Variants in CMTR1 observed in about 807,000 individuals in gnomAD.
The protein encoded by CMTR1 is cap-specific mRNA (nucleoside-2'-O-)-methyltransferase 1.
CMTR1 carries 39 observed loss-of-function variants against 107.0 expected under a neutral mutation model. That is an observed-to-expected ratio of 0.36 (90% CI 0.28 to 0.48). The LOEUF is 0.48. Ranked by LOEUF, CMTR1 falls within the 20% of genes least tolerant of loss-of-function variation. The pLI, the probability that CMTR1 is intolerant of heterozygous loss-of-function variation, is 0.99. For missense variants in CMTR1, 672 were observed against 1,064.9 expected (o/e 0.63, Z 5.14); for synonymous variants, 366 against 379.5 (o/e 0.96, Z 0.41).
intron 13 of CMTR1, among the ~76,000 whole-genome samples, chr6:37,466,126 T>C (rs1581746670): frequency 6.8e-6 from 1 of 146,554 alleles, no homozygotes; most frequent in Non-Finnish European, 1.5e-5. Context: ...TTTTTTTTTT[T>C]TTTTTGAAAC....
chr6:37,439,778 T>C (rs1771626156), intron 2 of CMTR1, among the ~76,000 whole-genome samples: 1 of 152,252 alleles, frequency 6.6e-6, no homozygotes, highest in Non-Finnish European at 1.5e-5. Flanking sequence ...TGCCCCTCTT[T>C]GTTGTCACTG....
upstream of CMTR1, among the ~76,000 whole-genome samples, chr6:37,430,179 A>G (rs1227627247): frequency 6.6e-6 from 1 of 152,158 alleles, no homozygotes; most frequent in Non-Finnish European, 1.5e-5. Flanking sequence ...TCTTGATTTG[A>G]CAGTTCTTTG....
chr6:37,459,486 C>T (rs1051211126), intron 9 of CMTR1, 80 bp from the exon 10 acceptor site: 1 of 1,211,182 alleles, frequency 8.3e-7, no homozygotes, highest in Non-Finnish European at 1.2e-6. Flanking sequence ...TGCCCGTCTT[C>T]ACTGACCCAG....
chr6:37,465,040 G>A (rs1001316154), intron 13 of CMTR1, among the ~76,000 whole-genome samples: 1 of 150,758 alleles, frequency 6.6e-6, no homozygotes, highest in Non-Finnish European at 1.5e-5. Context: ...AGGCCAAGGC[G>A]GGTGGATCAC....
intron 17 of CMTR1, 41 bp downstream of exon 17, chr6:37,473,642 G>A: frequency 6.3e-7 from 1 of 1,599,496 alleles, no homozygotes; most frequent in Non-Finnish European, 8.5e-7. Context: ...TGGAATGGTG[G>A]ATTTGCCCTT....
At chr6:37,441,967 A>G (rs2113865603) in intron 2 of CMTR1, among the ~76,000 whole-genome samples, 1 of 152,348 alleles carries the variant, frequency 6.6e-6, no homozygotes, top group South Asian at 2.1e-4. Context: ...ATACAGGGAC[A>G]TTCTCAACCA....
intron 13 of CMTR1, among the ~76,000 whole-genome samples, chr6:37,469,517 T>C (rs1761579347): frequency 6.9e-6 from 1 of 145,208 alleles, no homozygotes; most frequent in South Asian, 2.1e-4. Context: ...TATGTTGTTT[T>C]ATCCTTTTTT....
chr6:37,467,136 C>G (rs1761527141), intron 13 of CMTR1, among the ~76,000 whole-genome samples: 1 of 152,180 alleles, frequency 6.6e-6, no homozygotes. Flanking sequence ...CACTGCCCTC[C>G]AGCCTGGGTG....
At position 37,474,606 on chromosome 6, in the gene CMTR1, C is replaced by G; in HGVS notation, c.1904C>G (p.Thr635Ser). The G allele has an allele frequency of 6.2e-7, 1 of 1,614,124 alleles. No homozygotes were observed. The highest frequency in any genetic ancestry group is 8.5e-7 in the Non-Finnish European group (1 of 1,179,998). ...LDLKTELPRD[T>S]LLSVEIVHEL... ...CTGAAGACAGAGCTGCCCCGGGACA[C>G]TCTGCTATCTGTGGAAATTGTGCAT... The change falls in exon 18 of 24, where the codon ACT (threonine) becomes AGT (serine). Residue 635 changes from threonine to serine, a missense_variant. By Grantham distance (58) the Thr-to-Ser change is moderately conservative. Coordinates refer to ENST00000373451, the MANE Select transcript of CMTR1 (RefSeq NM_015050.3).
Position 37,479,332 on chromosome 6 carries a change from G to A in CMTR1, c.2375+77G>A, listed in dbSNP as rs1045421888. ...GCAGGATGCCAGCCAGCTGTCTTGG[G>A]GGCACACCCTGGGTCCTGAGACTGT... On this transcript the variant is annotated intron_variant, in intron 23 of 23. Coordinates refer to ENST00000373451, the MANE Select transcript of CMTR1 (RefSeq NM_015050.3). 5.0e-5 allele frequency: 52 copies of A among 1,039,356 alleles called. 1 individual carries two copies. In the African/African-American group the frequency reaches 8.0e-4, roughly 16 times the overall value. 64.4% of individuals were successfully genotyped at this position (1,039,356 alleles called of 1,614,324 possible).
intron 20 of CMTR1, 102 bp downstream of exon 20, chr6:37,476,296 G>C: frequency 8.3e-7 from 1 of 1,206,496 alleles, no homozygotes. Flanking sequence ...CTAGGCAAGT[G>C]GGTGTTAGAG....
chr6:37,446,905 T>C (rs1387385113), intron 4 of CMTR1, among the ~76,000 whole-genome samples: 1 of 152,230 alleles, frequency 6.6e-6, no homozygotes, highest in African/African-American at 2.4e-5. Flanking sequence ...AGGTTCTAAA[T>C]AGGTGCTTTT....
Position 37,472,656 on chromosome 6 carries a change from G to A in CMTR1, c.1689+169G>A, listed in dbSNP as rs1761652387. ...CCACAGGTGGGAACCTTTGGTATAG[G>A]GTGTTGAATTCCCCAAGAGCACAGT... On this transcript the variant is annotated intron_variant, in intron 16 of 23. Coordinates refer to ENST00000373451, the MANE Select transcript of CMTR1 (RefSeq NM_015050.3). This position sits in a 1 kb window ranked among gnomAD's most constrained non-coding sequence, Gnocchi z 4.1. 6.6e-6 allele frequency among the ~76,000 whole-genome samples: 1 copy of A among 152,174 alleles called. No individual in the cohort carries two copies.
At chr6:37,478,562 C>T (rs773938194) in intron 22 of CMTR1, 41 bp downstream of exon 22, 1 of 1,518,032 alleles carries the variant, frequency 6.6e-7, no homozygotes, top group Admixed American at 1.7e-5. Context: ...CCTCCCCTCT[C>T]CCCTCTCCTC....
At position 37,473,576 on chromosome 6, in the gene CMTR1, A is replaced by G. The variant is rs893032782; in HGVS notation, c.1796A>G (p.Glu599Gly). The G allele has an allele frequency of 3.7e-6, 6 of 1,613,958 alleles. No homozygotes were observed. The highest frequency in any genetic ancestry group is 4.2e-6 in the Non-Finnish European group (5 of 1,180,002). Reference sequence around the variant, plus strand: ...TACCGCTGCATGGTATCTGGCAGTGAGCAGAAGTTCCTCATCGGCCTGGGG... The same window carrying G: ...TACCGCTGCATGGTATCTGGCAGTGGGCAGAAGTTCCTCATCGGCCTGGGG... ...FDYRCMVSGS[E>G]QKFLIGLGKS... The change falls in exon 17 of 24, where the codon GAG becomes GGG. Residue 599 changes from glutamate (E) to glycine (G), a missense_variant. Coordinates refer to ENST00000373451, the MANE Select transcript of CMTR1 (RefSeq NM_015050.3).
At position 37,480,498 on chromosome 6, in the gene CMTR1, T is replaced by C. The variant is rs944032944; in HGVS notation, c.*353T>C. 118 of 1,107,190 alleles carry C rather than the reference T, an allele frequency of 1.1e-4. No homozygotes were observed. Among genetic ancestry groups the C allele is most frequent in the Non-Finnish European group, 1.3e-4 (116 of 907,326 alleles). 68.6% of individuals were successfully genotyped at this position (1,107,190 alleles called of 1,614,324 possible). On this transcript the variant is annotated 3_prime_UTR_variant, in exon 24 of 24. Coordinates refer to ENST00000373451, the MANE Select transcript of CMTR1 (RefSeq NM_015050.3). ...GGCTCTGCTGTTCTCTCCTGCATCC[T>C]GTAGACTCACTTTTCTGAGTTCCAT...
chr6:37,479,767 A>G (rs548461169), intron 23 of CMTR1, among the ~76,000 whole-genome samples: 114 of 152,372 alleles, frequency 7.5e-4, no homozygotes, highest in African/African-American at 2.6e-3. Flanking sequence ...GCACAGACAG[A>G]TAAGTCAGGA....
rs565245970 is a variant in CMTR1 at position 37,449,722 on chromosome 6, C to G, written c.445-529C>G. Among the ~76,000 whole-genome samples the G allele has an allele frequency of 1.5e-3, 221 of 152,330 alleles. 1 individual carries two copies. The highest frequency in any genetic ancestry group is 2.5e-3 in the Non-Finnish European group (172 of 68,028). The stretch of plus-strand genomic sequence containing the variant: ...CCCATTAGAGATGTCAGTTTTTGTT[C>G]TCCCTTAGAATGAATGGGCTAGGAA... On this transcript the variant is annotated intron_variant, in intron 4 of 23. Transcript: ENST00000373451.
chr6:37,473,146 C>T (rs1180514717), intron 16 of CMTR1, among the ~76,000 whole-genome samples: 4 of 152,122 alleles, frequency 2.6e-5, no homozygotes, highest in African/African-American at 7.2e-5. Flanking sequence ...GCTGGAGAAT[C>T]CTTGCTTTGA....
Sources: allele counts gnomAD v4.1 joint callset (sites outside exome capture counted in the v4.1 genomes callset), GRCh38; gene constraint gnomAD v4.1.1; non-coding constraint Gnocchi (gnomAD v3.1); transcripts MANE v1.5; gene names NCBI Gene and HGNC (gene_info 2026-07-23, HGNC 2026-07-21).